Variants in CNPY1 observed in about 807,000 individuals in gnomAD.
CNPY1 encodes canopy FGF signaling regulator 1, also known as protein canopy homolog 1.
In CNPY1, 14 loss-of-function variants were observed where a neutral mutation model predicts 14.4. The ratio of observed to expected loss-of-function variants is 0.97; its 90% confidence interval spans 0.64 to 1.52. The LOEUF is 1.52. Ranked by LOEUF, CNPY1 falls within the 40% of genes most tolerant of loss-of-function variation. CNPY1 has a pLI of 0.00. For missense variants in CNPY1, 129 were observed against 131.5 expected, an observed-to-expected ratio of 0.98 and a Z score of 0.09; for synonymous variants, 43 against 46.5, an observed-to-expected ratio of 0.92 and a Z score of 0.31.
intron 2 of CNPY1, among the ~76,000 whole-genome samples, chr7:155,525,910 C>G (rs1796811044): frequency 6.6e-6 from 1 of 152,044 alleles, no homozygotes; most frequent in Admixed American, 6.6e-5. Flanking sequence ...AGAAATAGTC[C>G]CCAACTCCTC....
At chr7:155,507,700 TTTCAC>T (rs1796376312) in intron 3 of CNPY1, among the ~76,000 whole-genome samples, 2 of 152,042 alleles carry the variant, frequency 1.3e-5, no homozygotes, top group Admixed American at 1.3e-4. Context: ...CCATCCAACA[TTTCAC>T]TTCACTTAAA....
At chr7:155,529,776 CTTTT>C (rs55718141) in intron 2 of CNPY1, among the ~76,000 whole-genome samples, 3 of 146,428 alleles carry the variant, frequency 2.0e-5, no homozygotes, top group African/African-American at 7.5e-5. Context: ...AGTTTCTTTT[CTTTT>C]TTTTTTTTCT....
chr7:155,532,525 G>A (rs1262918900), intron 2 of CNPY1, among the ~76,000 whole-genome samples: 2 of 152,136 alleles, frequency 1.3e-5, no homozygotes, highest in African/African-American at 2.4e-5. Context: ...GGAGGCTGAG[G>A]CAGGAGAATG....
intron 2 of CNPY1, among the ~76,000 whole-genome samples, chr7:155,541,255 T>G (rs907152147): frequency 6.6e-6 from 1 of 152,230 alleles, no homozygotes; most frequent in Non-Finnish European, 1.5e-5. Flanking sequence ...GCTCCCAGCC[T>G]ATCATGAACA....
intron 2 of CNPY1, among the ~76,000 whole-genome samples, chr7:155,543,705 G>A (rs771425489): frequency 1.5e-4 from 23 of 152,148 alleles, no homozygotes; most frequent in African/African-American, 2.9e-4. Context: ...CTTTAAAGAC[G>A]AGTTCTCCAA....
At chr7:155,543,610 G>C (rs1317218608) in intron 2 of CNPY1, among the ~76,000 whole-genome samples, 1 of 152,180 alleles carries the variant, frequency 6.6e-6, no homozygotes, top group Non-Finnish European at 1.5e-5. Context: ...GACGTGAGGG[G>C]GTCACTCTGC....
intron 2 of CNPY1, among the ~76,000 whole-genome samples, chr7:155,516,982 G>A (rs148481988): frequency 9.2e-5 from 14 of 152,288 alleles, no homozygotes; most frequent in African/African-American, 2.4e-4. Flanking sequence ...AGACATGGCC[G>A]CTGGTCCTTG....
chr7:155,529,060 CA>C (rs71990734), intron 2 of CNPY1, among the ~76,000 whole-genome samples: 5 of 145,192 alleles, frequency 3.4e-5, no homozygotes, highest in African/African-American at 2.5e-5. Flanking sequence ...GACTCCATAT[CA>C]AAAAAAAAAA....
chr7:155,507,016 G>A lies in CNPY1; in HGVS notation c.400+4C>T, dbSNP rs1796339062. The A allele has an allele frequency of 6.3e-7, 1 of 1,589,284 alleles. No homozygotes were observed. The highest frequency in any genetic ancestry group is 8.6e-7 in the Non-Finnish European group (1 of 1,157,952). ...GCGAGCACATGTTACATCAGACACA[G>A]TACCTGATTTTTCACTGCACAGCTT... On this transcript the variant is annotated splice_donor_region_variant and intron_variant, in intron 4 of 4. Coordinates refer to ENST00000636446, the MANE Select transcript of CNPY1 (RefSeq NM_001393663.1).
chr7:155,537,593 T>G (rs1345678962), intron 2 of CNPY1, among the ~76,000 whole-genome samples: 1 of 152,000 alleles, frequency 6.6e-6, no homozygotes, highest in East Asian at 1.9e-4. Context: ...CCCGCTAATT[T>G]TTTGTATTTT....
At chr7:155,510,184 C>A (rs1796492341) in intron 2 of CNPY1, 1 of 152,276 alleles carries the variant, frequency 6.6e-6, no homozygotes, top group Non-Finnish European at 1.5e-5. Context: ...GTGCCAGCGG[C>A]CGCGCTACAT....
At chr7:155,545,610 T>A (rs1366030293) in intron 2 of CNPY1, among the ~76,000 whole-genome samples, 1 of 152,170 alleles carries the variant, frequency 6.6e-6, no homozygotes, top group East Asian at 1.9e-4. Flanking sequence ...TGCCGAAATG[T>A]CTTTCGACTT....
At chr7:155,514,465 C>T (rs1269150380) in intron 2 of CNPY1, among the ~76,000 whole-genome samples, 1 of 152,174 alleles carries the variant, frequency 6.6e-6, no homozygotes, top group African/African-American at 2.4e-5. Context: ...GAGTGATGAT[C>T]CGTTTGGAAC....
intron 2 of CNPY1, among the ~76,000 whole-genome samples, chr7:155,528,934 G>C (rs541041657): frequency 6.6e-6 from 1 of 152,192 alleles, no homozygotes; most frequent in African/African-American, 2.4e-5. Flanking sequence ...GGTGGCAGGC[G>C]CCTGTGGTCC....
chr7:155,525,638 C>A (rs1796805181), intron 2 of CNPY1, among the ~76,000 whole-genome samples: 1 of 152,236 alleles, frequency 6.6e-6, no homozygotes, highest in African/African-American at 2.4e-5. Flanking sequence ...GGCCCACACC[C>A]AACAGGGCTT....
chr7:155,520,771 C>T (rs904553448), intron 2 of CNPY1, among the ~76,000 whole-genome samples: 3 of 152,112 alleles, frequency 2.0e-5, no homozygotes, highest in Non-Finnish European at 4.4e-5. Flanking sequence ...TAAGGGTTCT[C>T]TTTATGTTCG....
chr7:155,504,284 A>C (rs529483556), intron 4 of CNPY1, among the ~76,000 whole-genome samples: 190 of 152,310 alleles, frequency 1.2e-3, no homozygotes, highest in Non-Finnish European at 2.4e-3. Flanking sequence ...TGTTTATGAA[A>C]GTCTCAGTGA....
intron 2 of CNPY1, among the ~76,000 whole-genome samples, chr7:155,516,009 G>A (rs1378073886): frequency 3.2e-5 from 2 of 62,474 alleles, no homozygotes; most frequent in East Asian, 4.2e-4. Context: ...ACGTGCACGC[G>A]TGTGTGTGTC....
intron 2 of CNPY1, among the ~76,000 whole-genome samples, chr7:155,544,800 CT>C (rs1797140141): frequency 1.3e-5 from 2 of 152,244 alleles, no homozygotes; most frequent in Non-Finnish European, 2.9e-5. Context: ...AGGATCCATC[CT>C]TGAGTGTGCC....
Sources: allele counts gnomAD v4.1 joint callset (sites outside exome capture counted in the v4.1 genomes callset), GRCh38; gene constraint gnomAD v4.1.1; transcripts MANE v1.5; gene names NCBI Gene and HGNC (gene_info 2026-07-23, HGNC 2026-07-21).